LRRC4C: variants seen among roughly 807,000 people sequenced by gnomAD.
The protein encoded by LRRC4C is leucine rich repeat containing 4C.
LRRC4C carries 5 observed loss-of-function variants against 33.6 expected under a neutral mutation model. The ratio of observed to expected loss-of-function variants is 0.15; its 90% CI spans 0.08 to 0.31. The LOEUF is 0.31. LRRC4C is among the 10% of genes least tolerant of loss of function. LRRC4C has a pLI of 1.00. For synonymous variants in LRRC4C, 329 were observed against 302.0 expected (o/e 1.09, Z -0.93); for missense variants, 560 against 796.7 (o/e 0.70, Z 3.58).
intron 3 of LRRC4C, among the ~76,000 whole-genome samples, chr11:40,491,826 G>T (rs1489175469): frequency 1.3e-5 from 2 of 152,004 alleles, no homozygotes; most frequent in African/African-American, 4.8e-5. Context: ...ATCTCATCAC[G>T]TTCACAGTCC....
intron 3 of LRRC4C, among the ~76,000 whole-genome samples, chr11:40,611,853 TAAC>T (rs1033979396): frequency 1.4e-5 from 2 of 145,388 alleles, no homozygotes; most frequent in African/African-American, 4.9e-5. Context: ...ATTATCAAAA[TAAC>T]AACAACAAAA....
At chr11:41,159,882 C>T (rs776887280) in intron 1 of LRRC4C, among the ~76,000 whole-genome samples, 1 of 151,896 alleles carries the variant, frequency 6.6e-6, no homozygotes, top group Non-Finnish European at 1.5e-5. Context: ...CTTGTAAGTG[C>T]ATTTGATTTT....
intron 1 of LRRC4C, among the ~76,000 whole-genome samples, chr11:41,124,388 G>A (rs899577569): frequency 1.3e-5 from 2 of 152,086 alleles, no homozygotes; most frequent in Admixed American, 6.6e-5. Flanking sequence ...TATAAGCCAC[G>A]GTCTTTAAGT....
intron 3 of LRRC4C, among the ~76,000 whole-genome samples, chr11:40,489,398 AC>A (rs1455072612): frequency 6.6e-6 from 1 of 151,708 alleles, no homozygotes; most frequent in Non-Finnish European, 1.5e-5. Context: ...CACTTTCATA[AC>A]CCTCTTTCCT....
chr11:41,413,658 C>G (rs932257807), intron 1 of LRRC4C, among the ~76,000 whole-genome samples: 5 of 152,182 alleles, frequency 3.3e-5, no homozygotes, highest in Admixed American at 3.3e-4. Context: ...GAAATGTGAC[C>G]CTTTGGTTTT....
At chr11:41,413,461 A>T (rs181988558) in intron 1 of LRRC4C, among the ~76,000 whole-genome samples, 1 of 152,340 alleles carries the variant, frequency 6.6e-6, no homozygotes. Context: ...TGTTGTGATT[A>T]AAATTATCAT....
At chr11:40,930,639 T>A (rs1957579528) in intron 2 of LRRC4C, among the ~76,000 whole-genome samples, 1 of 152,158 alleles carries the variant, frequency 6.6e-6, no homozygotes. Flanking sequence ...TCTATAAGCC[T>A]TTATGGCTCT....
intron 1 of LRRC4C, among the ~76,000 whole-genome samples, chr11:40,963,839 A>T (rs775047003): frequency 4.0e-5 from 6 of 151,832 alleles, no homozygotes; most frequent in Non-Finnish European, 7.4e-5. Flanking sequence ...TTATTTAGAC[A>T]TATGCAGGTT....
At chr11:40,230,755 G>GT (rs1865141135) in intron 5 of LRRC4C, among the ~76,000 whole-genome samples, 1 of 152,194 alleles carries the variant, frequency 6.6e-6, no homozygotes, top group Non-Finnish European at 1.5e-5. Flanking sequence ...CAGCATGTAG[G>GT]TGGTAGATGA....
chr11:40,764,546 T>A (rs1949363048), intron 2 of LRRC4C, among the ~76,000 whole-genome samples: 1 of 152,124 alleles, frequency 6.6e-6, no homozygotes, highest in Admixed American at 6.5e-5. Flanking sequence ...GCTTACCGCC[T>A]TGAAGTTAAG....
chr11:41,357,418 A>G (rs564007091), intron 1 of LRRC4C, among the ~76,000 whole-genome samples: 4 of 152,272 alleles, frequency 2.6e-5, no homozygotes, highest in African/African-American at 9.6e-5. Context: ...GAAGTAGTAT[A>G]AGATATTTTA....
chr11:40,522,178 C>T (rs1451065529), intron 3 of LRRC4C, among the ~76,000 whole-genome samples: 1 of 152,176 alleles, frequency 6.6e-6, no homozygotes, highest in Non-Finnish European at 1.5e-5. Flanking sequence ...CACATGCCAC[C>T]ATGCCTAGCT....
chr11:40,518,617 G>A (rs947764840), intron 3 of LRRC4C, among the ~76,000 whole-genome samples: 2 of 152,164 alleles, frequency 1.3e-5, no homozygotes, highest in Admixed American at 6.5e-5. Flanking sequence ...TAATGGAGAC[G>A]ATATGGAGAA....
intron 3 of LRRC4C, among the ~76,000 whole-genome samples, chr11:40,617,295 C>T (rs776758537): frequency 1.1e-4 from 16 of 151,648 alleles, no homozygotes; most frequent in South Asian, 2.1e-4. Flanking sequence ...TTACAAAACA[C>T]TTGTATAAAG....
chr11:40,372,427 C>A (rs1948489889), intron 3 of LRRC4C, among the ~76,000 whole-genome samples: 1 of 152,196 alleles, frequency 6.6e-6, no homozygotes, highest in South Asian at 2.1e-4. Flanking sequence ...CTGCTGATAG[C>A]TGGAGACAGT....
At chr11:40,963,074 T>TA (rs1453378661) in intron 1 of LRRC4C, among the ~76,000 whole-genome samples, 2 of 151,690 alleles carry the variant, frequency 1.3e-5, no homozygotes, top group Admixed American at 1.3e-4. Flanking sequence ...AAAAACTTGA[T>TA]ATTGGAGTTG....
intron 3 of LRRC4C, among the ~76,000 whole-genome samples, chr11:40,393,625 T>C (rs1949422596): frequency 6.6e-6 from 1 of 152,174 alleles, no homozygotes; most frequent in Admixed American, 6.6e-5. Flanking sequence ...ACATTGACTC[T>C]GAATCTCCAG....
At chr11:40,642,761 T>C (rs1942201491) in intron 3 of LRRC4C, among the ~76,000 whole-genome samples, 1 of 152,226 alleles carries the variant, frequency 6.6e-6, no homozygotes, top group South Asian at 2.1e-4. Context: ...ATTATCTCTT[T>C]AAGATGGTTT....
intron 1 of LRRC4C, among the ~76,000 whole-genome samples, chr11:41,170,596 A>G (rs1456104373): frequency 2.6e-5 from 4 of 152,222 alleles, no homozygotes; most frequent in Admixed American, 6.5e-5. Context: ...CCTTATACAA[A>G]AATTATTTCA....
Sources: allele counts gnomAD v4.1 joint callset (sites outside exome capture counted in the v4.1 genomes callset), GRCh38; gene constraint gnomAD v4.1.1; transcripts MANE v1.5; gene names NCBI Gene and HGNC (gene_info 2026-07-23, HGNC 2026-07-21).